The following PLAGL1 variants were observed in gnomAD, a reference collection of about 807,000 sequenced individuals.
The protein encoded by PLAGL1 is PLAG1 like zinc finger 1, also known as zinc finger protein PLAGL1.
In PLAGL1, 1 loss-of-function variant was observed where a neutral mutation model predicts 4.6. The observed-to-expected ratio is 0.22, with a 90% CI of 0.08 to 1.03. The LOEUF (loss-of-function observed/expected upper bound fraction) is 1.03, where lower values mean the gene tolerates loss of function less well. Ranked by LOEUF, PLAGL1 falls within the 50% of genes least tolerant of loss-of-function variation. The pLI is 0.58. For missense variants in PLAGL1, 464 were observed against 570.4 expected, an observed-to-expected ratio of 0.81 and a Z score of 1.90; for synonymous variants, 240 against 237.8, an observed-to-expected ratio of 1.01 and a Z score of -0.08.
intron 1 of PLAGL1, among the ~76,000 whole-genome samples, chr6:144,040,600 G>A (rs753309162): frequency 1.1e-4 from 17 of 152,074 alleles, no homozygotes; most frequent in Non-Finnish European, 1.9e-4. Flanking sequence ...GAGGTAGCCA[G>A]GCACAGTGGC....
In PLAGL1 at chr6:143,952,610, T is replaced by C. The variant is rs1383988727; in HGVS notation, c.-324-4150A>G. On this transcript the variant is annotated intron_variant, in intron 6 of 7. Transcript: ENST00000674357. This position sits in a 1 kb window ranked among gnomAD's most constrained non-coding sequence, Gnocchi z 6.1. ...ATATGGTAACAGCCAGGAAAGACTG[T>C]GTTCCCAGGGGACAGGGGTATACGA... Among the ~76,000 whole-genome samples the C allele has an allele frequency of 2.0e-5, 3 of 152,174 alleles. No individual in the cohort carries two copies. Among genetic ancestry groups the C allele is most frequent in the African/African-American group, 7.2e-5 (3 of 41,436 alleles).
chr6:143,980,365 G>A (rs1170680364), intron 2 of PLAGL1, among the ~76,000 whole-genome samples: 3 of 148,326 alleles, frequency 2.0e-5, no homozygotes, highest in African/African-American at 7.4e-5. Context: ...ACAGCTCACT[G>A]ATGTGCTATT....
chr6:144,045,885 TTC>T (rs1798108679), intron 1 of PLAGL1, among the ~76,000 whole-genome samples: 1 of 152,206 alleles, frequency 6.6e-6, no homozygotes, highest in Non-Finnish European at 1.5e-5. Flanking sequence ...CTTTGTTCAT[TTC>T]TTTTACTCTT....
At position 143,957,761 on chromosome 6, in the gene PLAGL1, A is replaced by G. The variant is rs1474383527; in HGVS notation, c.-325+2708T>C. On this transcript the variant is annotated intron_variant, in intron 6 of 7. Coordinates refer to ENST00000674357, the MANE Select transcript of PLAGL1 (RefSeq NM_001317162.2). The surrounding 1 kb of genome is among the most constrained non-coding windows in gnomAD (Gnocchi z 4.2). ...TTGAAGGATCTGAGATCTAGAAAGG[A>G]TGCTCAAGACTTGGGTGGACTGTTT... Among the ~76,000 whole-genome samples the G allele has an allele frequency of 6.6e-6, 1 of 152,238 alleles. No individual in the cohort carries two copies. Among genetic ancestry groups the G allele is most frequent in the African/African-American group, 2.4e-5 (1 of 41,466 alleles).
chr6:144,045,000 C>T (rs868125861), intron 1 of PLAGL1, among the ~76,000 whole-genome samples: 32 of 47,332 alleles, frequency 6.8e-4, no homozygotes, highest in South Asian at 2.0e-3. Context: ...GCAACCCCTG[C>T]TTTTTTTTTT....
chr6:144,046,240 G>A (rs1039712416), intron 1 of PLAGL1, among the ~76,000 whole-genome samples: 1 of 152,206 alleles, frequency 6.6e-6, no homozygotes, highest in Non-Finnish European at 1.5e-5. Flanking sequence ...GCAAGGAGCT[G>A]TGATCCTTTG....
chr6:144,046,496 G>A (rs1033135162), intron 1 of PLAGL1, among the ~76,000 whole-genome samples: 1 of 152,188 alleles, frequency 6.6e-6, no homozygotes, highest in Non-Finnish European at 1.5e-5. Context: ...GACCCTGTTT[G>A]CCTGGGTGTC....
rs562885081 is a variant in PLAGL1 at position 143,970,285 on chromosome 6, C to T, written c.-543-1307G>A. ...TTTTCCTCCTGAATTGAGGTTTTTC[C>T]TTGCAGAAAAATGTCTCACTAAAGA... On this transcript the variant is annotated intron_variant, in intron 2 of 7. Coordinates refer to ENST00000674357, the MANE Select transcript of PLAGL1 (RefSeq NM_001317162.2). The surrounding 1 kb of genome is among the most constrained non-coding windows in gnomAD (Gnocchi z 5.8). 1.3e-5 allele frequency among the ~76,000 whole-genome samples: 2 copies of T among 152,216 alleles called. No homozygotes were observed. Among genetic ancestry groups the T allele is most frequent in the African/African-American group, 4.8e-5 (2 of 41,538 alleles).
rs752227128 is a variant in PLAGL1 at position 143,947,527 on chromosome 6, C to T, written c.152+458G>A. On this transcript the variant is annotated intron_variant, in intron 7 of 7. Transcript: ENST00000674357. This position sits in a 1 kb window ranked among gnomAD's most constrained non-coding sequence, Gnocchi z 4.3. ...TCTGCTCCTCCTCGGATAGTACCCT[C>T]TGCACATGGGTGCTTTAAGGCCAAG... Among the ~76,000 whole-genome samples, 2 of 152,254 alleles carry T rather than the reference C, an allele frequency of 1.3e-5. No individual in the cohort carries two copies. Among genetic ancestry groups the T allele is most frequent in the Non-Finnish European group, 2.9e-5 (2 of 68,036 alleles).
chr6:144,021,755 T>C (rs565363632), intron 1 of PLAGL1, among the ~76,000 whole-genome samples: 1 of 152,334 alleles, frequency 6.6e-6, no homozygotes, highest in African/African-American at 2.4e-5. Context: ...CACAAAGAAA[T>C]TAAAGACTGT....
chr6:144,044,010 G>T (rs1469916820), intron 1 of PLAGL1, among the ~76,000 whole-genome samples: 2 of 152,132 alleles, frequency 1.3e-5, no homozygotes, highest in Non-Finnish European at 2.9e-5. Context: ...ATTTCCGTGG[G>T]ATCATTGGTG....
chr6:144,045,517 CT>C (rs1331499627), intron 1 of PLAGL1, among the ~76,000 whole-genome samples: 3 of 152,198 alleles, frequency 2.0e-5, no homozygotes, highest in Non-Finnish European at 4.4e-5. Flanking sequence ...ATATTGGCCC[CT>C]GCTCTCTTCT....
At chr6:144,028,193 G>T (rs1375214187) in intron 1 of PLAGL1, among the ~76,000 whole-genome samples, 2 of 151,792 alleles carry the variant, frequency 1.3e-5, no homozygotes, top group African/African-American at 4.9e-5. Flanking sequence ...AGAATACTCT[G>T]TCTAAAATTA....
At chr6:143,987,486 G>A (rs1193578030) in intron 1 of PLAGL1, among the ~76,000 whole-genome samples, 1 of 106,378 alleles carries the variant, frequency 9.4e-6, no homozygotes, top group Non-Finnish European at 1.7e-5. Flanking sequence ...TCACTATATT[G>A]CCCAGGCTAG....
intron 1 of PLAGL1, among the ~76,000 whole-genome samples, chr6:144,025,735 CA>C (rs371471806): frequency 2.0e-5 from 3 of 151,418 alleles, no homozygotes; most frequent in Non-Finnish European, 2.9e-5. Context: ...ACTAAAAATA[CA>C]AAAAAAATTA....
Position 144,013,972 on chromosome 6 carries a change from CA to C in PLAGL1, c.-150-44995del, listed in dbSNP as rs1259619798. 7.2e-5 allele frequency among the ~76,000 whole-genome samples: 11 copies of C among 152,254 alleles called. No homozygotes were observed. Among genetic ancestry groups the C allele is most frequent in the African/African-American group, 2.6e-4 (11 of 41,562 alleles). On this transcript the variant is annotated intron_variant, in intron 1 of 3. Coordinates refer to the PLAGL1 transcript ENST00000437412. This position sits in a 1 kb window ranked among gnomAD's most constrained non-coding sequence, Gnocchi z 4.4. ...GTCCTCATGTCAAAGTTGACATGGG[CA>C]AAATCCATGTCAGCTTTGCTATAGA... is the stretch of plus-strand genomic sequence containing the variant.
At chr6:143,980,605 A>G (rs896153909) in intron 2 of PLAGL1, among the ~76,000 whole-genome samples, 3 of 152,068 alleles carry the variant, frequency 2.0e-5, no homozygotes, top group Non-Finnish European at 4.4e-5. Flanking sequence ...CATAGTAACA[A>G]TAACTATTTG....
chr6:144,051,809 C>T (rs1187034899), intron 1 of PLAGL1, among the ~76,000 whole-genome samples: 9 of 152,166 alleles, frequency 5.9e-5, no homozygotes, highest in East Asian at 3.9e-4. Context: ...TCTCATGAGA[C>T]TCATTCACTA....
chr6:144,028,525 G>A (rs111548331), intron 1 of PLAGL1, among the ~76,000 whole-genome samples: 1 of 152,180 alleles, frequency 6.6e-6, no homozygotes, highest in African/African-American at 2.4e-5. Context: ...ATTTTAAAAG[G>A]AGAAATAAAG....
Sources: allele counts gnomAD v4.1 joint callset (sites outside exome capture counted in the v4.1 genomes callset), GRCh38; gene constraint gnomAD v4.1.1; non-coding constraint Gnocchi (gnomAD v3.1); transcripts MANE v1.5; gene names NCBI Gene and HGNC (gene_info 2026-07-23, HGNC 2026-07-21).